Variants in WDR25 observed in about 807,000 individuals in gnomAD.
WDR25 encodes WD repeat-containing protein 25.
In WDR25, 35 loss-of-function variants were observed where a neutral mutation model predicts 47.7. The observed-to-expected ratio is 0.73, with a 90% CI of 0.56 to 0.97. The LOEUF (loss-of-function observed/expected upper bound fraction) is 0.97. WDR25 is among the 50% of genes least tolerant of loss of function. WDR25 has a pLI of 0.00. For missense variants in WDR25, 634 were observed against 704.7 expected, an observed-to-expected ratio of 0.90 and a Z score of 1.14; for synonymous variants, 248 against 278.9, an observed-to-expected ratio of 0.89 and a Z score of 1.10.
intron 2 of WDR25, among the ~76,000 whole-genome samples, chr14:100,427,804 G>A (rs1898213148): frequency 1.3e-5 from 2 of 152,260 alleles, no homozygotes; most frequent in South Asian, 2.1e-4. Context: ...CCATTGCCCA[G>A]GCAGGGACAG....
At chr14:100,389,453 G>A (rs1156660312) in intron 2 of WDR25, among the ~76,000 whole-genome samples, 1 of 152,166 alleles carries the variant, frequency 6.6e-6, no homozygotes, top group African/African-American at 2.4e-5. Flanking sequence ...TTTCTTGTCA[G>A]GTGTTTTCTT....
intron 4 of WDR25, among the ~76,000 whole-genome samples, chr14:100,517,887 C>A (rs1172345276): frequency 2.0e-5 from 3 of 152,118 alleles, no homozygotes; most frequent in Non-Finnish European, 1.5e-5. Context: ...ATTCTTCTAA[C>A]CAGATAAGCC....
rs556858291 is a variant in WDR25 at position 100,510,737 on chromosome 14, A to AAATAATAATAATAATAATAATAAT, written c.1102-15129_1102-15106dup. Reference sequence around the variant, plus strand: ...GGTGACAGAGCGAGACACCATCTCAAAATAATAATAATAATAATAATAATA... The same window carrying AAATAATAATAATAATAATAATAAT: ...GGTGACAGAGCGAGACACCATCTCAAAATAATAATAATAATAATAATAATAATAATAATAATAATAATAATAATA... On this transcript the variant is annotated intron_variant, in intron 4 of 6. Coordinates refer to ENST00000402312, the MANE Select transcript of WDR25 (RefSeq NM_001161476.3). Among the ~76,000 whole-genome samples the AAATAATAATAATAATAATAATAAT allele has an allele frequency of 1.6e-3, 229 of 146,982 alleles. 1 individual carries two copies. Among genetic ancestry groups the AAATAATAATAATAATAATAATAAT allele is most frequent in the African/African-American group, 5.7e-3 (218 of 38,190 alleles).
chr14:100,530,016 GA>G lies in WDR25; in HGVS notation c.1611del (p.Asp539ThrfsTer2). On this transcript the variant is annotated frameshift_variant, in exon 7 of 7. Transcript: ENST00000402312. LOFTEE classifies it high-confidence loss of function. Reference sequence around the variant, plus strand: ...TCCGTCCTCGCCACCTGCTCCTGGGGAGGGGACATGAAGATCTGGCACTGAG... The same window carrying G: ...TCCGTCCTCGCCACCTGCTCCTGGGGGGGGACATGAAGATCTGGCACTGAG... ...LPSVLATCSWGGDMKIWH is the reference protein window; with the variant it reads ...LPSVLATCSWXGDMKIWH 6.2e-7 allele frequency: 1 copy of G among 1,612,848 alleles called. No individual in the cohort carries two copies. Among genetic ancestry groups the G allele is most frequent in the Non-Finnish European group, 8.5e-7 (1 of 1,179,670 alleles).
chr14:100,505,362 T>C (rs1222637807), intron 4 of WDR25, among the ~76,000 whole-genome samples: 1 of 152,234 alleles, frequency 6.6e-6, no homozygotes, highest in Non-Finnish European at 1.5e-5. Flanking sequence ...CCTCATTAGA[T>C]TGTTTTTGGA....
chr14:100,507,920 G>A (rs1901170590), intron 4 of WDR25, among the ~76,000 whole-genome samples: 2 of 151,758 alleles, frequency 1.3e-5, no homozygotes, highest in African/African-American at 4.8e-5. Context: ...TATTTCTCTT[G>A]CCTGACTCAT....
chr14:100,394,105 C>T (rs989742992), intron 2 of WDR25, among the ~76,000 whole-genome samples: 1 of 152,178 alleles, frequency 6.6e-6, no homozygotes, highest in South Asian at 2.1e-4. Flanking sequence ...AACTCCAAGC[C>T]GGGGTTTATT....
Position 100,464,868 on chromosome 14 carries a change from A to G in WDR25, c.823-3153A>G, listed in dbSNP as rs1002484618. Among the ~76,000 whole-genome samples, 3 of 127,394 alleles carry G rather than the reference A, an allele frequency of 2.4e-5. No homozygotes were observed. In the Admixed American group the frequency reaches 2.5e-4, roughly 11 times the overall value. 83.6% of individuals were successfully genotyped at this position (127,394 alleles called of 152,430 possible). A position where few individuals can be genotyped will look rare whatever the true frequency, so the allele number is the denominator to read the frequency against. On this transcript the variant is annotated intron_variant, in intron 2 of 6. Transcript: ENST00000402312. ...TTTCCTACCCCATCTACTCTCCCCT[A>G]CCCCATCTCATCTCCTTTACCTCAT...
At chr14:100,378,693 T>C (rs1896793619) in intron 1 of WDR25, among the ~76,000 whole-genome samples, 1 of 25,052 alleles carries the variant, frequency 4.0e-5, no homozygotes, top group African/African-American at 7.7e-5. Flanking sequence ...GCGCGGTGGC[T>C]CACGCCTGTA....
At chr14:100,490,310 C>T (rs554699179) in intron 4 of WDR25, among the ~76,000 whole-genome samples, 241 of 152,338 alleles carry the variant, frequency 1.6e-3, no homozygotes, top group African/African-American at 4.2e-3. Context: ...GCAGGAAGGG[C>T]GCAAACTGTC....
chr14:100,455,136 T>C (rs1001527206), intron 2 of WDR25: 1 of 152,154 alleles, frequency 6.6e-6, no homozygotes, highest in Non-Finnish European at 1.5e-5. Context: ...ACAGTTATTA[T>C]AGATGTGCTG....
At chr14:100,436,402 T>G (rs1898501237) in intron 2 of WDR25, among the ~76,000 whole-genome samples, 1 of 152,256 alleles carries the variant, frequency 6.6e-6, no homozygotes, top group African/African-American at 2.4e-5. Flanking sequence ...TTTAATGCTT[T>G]TTAGAATTCA....
At chr14:100,445,642 T>G (rs946431670) in intron 2 of WDR25, among the ~76,000 whole-genome samples, 1 of 152,112 alleles carries the variant, frequency 6.6e-6, no homozygotes, top group African/African-American at 2.4e-5. Context: ...GGGGACAGGA[T>G]GGCTTCTAGG....
chr14:100,422,257 T>A lies in WDR25; in HGVS notation c.822+40511T>A, dbSNP rs554796359. ...CTGTCTGCTGGGACCCTGGCTGTGCTGTTTGCTGGAGTATTACATGTGGCC... is the reference window on the plus strand; with the variant it reads ...CTGTCTGCTGGGACCCTGGCTGTGCAGTTTGCTGGAGTATTACATGTGGCC... On this transcript the variant is annotated intron_variant, in intron 2 of 6. Transcript: ENST00000402312. 2.4e-4 allele frequency among the ~76,000 whole-genome samples: 37 copies of A among 152,312 alleles called. No homozygotes were observed. In the South Asian group the frequency reaches 6.2e-3, roughly 26 times the overall value.
chr14:100,414,289 A>C (rs908515910), intron 2 of WDR25, among the ~76,000 whole-genome samples: 1 of 139,478 alleles, frequency 7.2e-6, no homozygotes, highest in African/African-American at 2.7e-5. Context: ...GGCATGAGCC[A>C]CCGCGCCCAG....
intron 4 of WDR25, among the ~76,000 whole-genome samples, chr14:100,514,994 A>AT (rs1901444838): frequency 6.6e-6 from 1 of 151,986 alleles, no homozygotes; most frequent in African/African-American, 2.4e-5. Flanking sequence ...GGGGTTGATG[A>AT]TTTTTTTCTC....
At position 100,500,546 on chromosome 14, in the gene WDR25, C is replaced by T. The variant is rs1471601644; in HGVS notation, c.1101+16422C>T. Among the ~76,000 whole-genome samples, 1 of 152,144 alleles carries T rather than the reference C, an allele frequency of 6.6e-6. No individual in the cohort carries two copies. The highest frequency in any genetic ancestry group is 1.5e-5 in the Non-Finnish European group (1 of 68,016). On this transcript the variant is annotated intron_variant, in intron 4 of 6. Coordinates refer to ENST00000402312, the MANE Select transcript of WDR25 (RefSeq NM_001161476.3). The surrounding 1 kb of genome is among the most constrained non-coding windows in gnomAD (Gnocchi z 4.7). The stretch of plus-strand genomic sequence containing the variant: ...CCTGTGCCTCATTAGAGAGATAGAC[C>T]CCTCCCCTCAGTGCCCTAGTTAGTT...
chr14:100,380,230 T>C (rs1896847159), intron 1 of WDR25, among the ~76,000 whole-genome samples: 1 of 152,004 alleles, frequency 6.6e-6, no homozygotes, highest in Admixed American at 6.6e-5. Context: ...GTATTTTTAC[T>C]TGAGATGGGG....
intron 4 of WDR25, among the ~76,000 whole-genome samples, chr14:100,524,191 G>A (rs750821860): frequency 6.6e-6 from 1 of 152,062 alleles, no homozygotes; most frequent in Non-Finnish European, 1.5e-5. Flanking sequence ...GTTGGCAGGG[G>A]CATGTAGGTA....
Sources: gnomAD v4.1 joint callset for allele counts (sites outside exome capture counted in the v4.1 genomes callset) on GRCh38, gnomAD v4.1.1 for gene constraint, Gnocchi (gnomAD v3.1) non-coding constraint, MANE v1.5 for transcripts, NCBI Gene and HGNC (gene_info 2026-07-23, HGNC 2026-07-21) for gene names.